The following URI1 variants were observed in gnomAD, a reference collection of about 807,000 sequenced individuals.
URI1 encodes URI1 prefoldin like chaperone.
Under a neutral mutation model 60.2 loss-of-function variants are expected in URI1, and 39 were observed. The ratio of observed to expected loss-of-function variants is 0.65; its 90% confidence interval spans 0.50 to 0.85. URI1 has a LOEUF of 0.85. Ranked by LOEUF, URI1 falls within the 40% of genes least tolerant of loss-of-function variation. The pLI, the probability that URI1 is intolerant of heterozygous loss-of-function variation, is 0.00. For synonymous variants in URI1, 251 were observed against 236.8 expected, an observed-to-expected ratio of 1.06 and a Z score of -0.55; for missense variants, 691 against 665.9, an observed-to-expected ratio of 1.04 and a Z score of -0.42.
At chr19:29,993,577 C>T (rs1203286634) in intron 4 of URI1, among the ~76,000 whole-genome samples, 4 of 151,534 alleles carry the variant, frequency 2.6e-5, no homozygotes, top group Non-Finnish European at 5.9e-5. Context: ...GGTGATAAGA[C>T]GTTAGCACCG....
At chr19:30,014,381 T>C (rs162945) in intron 10 of URI1, among the ~76,000 whole-genome samples, 1,671 of 152,290 alleles carry the variant, frequency 0.011, 41 homozygotes, top group African/African-American at 0.038. Flanking sequence ...TGCAGTAAAA[T>C]ATTTAAATAA....
intron 4 of URI1, among the ~76,000 whole-genome samples, chr19:29,998,884 A>T (rs1031093770): frequency 2.7e-5 from 4 of 150,768 alleles, no homozygotes; most frequent in Admixed American, 6.6e-5. Context: ...TTTTTGACTC[A>T]TTTCTATATT....
intron 10 of URI1, among the ~76,000 whole-genome samples, chr19:30,013,062 A>C (rs1243322116): frequency 2.6e-5 from 4 of 152,200 alleles, no homozygotes; most frequent in Non-Finnish European, 5.9e-5. Context: ...TGCACACTCA[A>C]TACACTTTCA....
In URI1 at chr19:30,005,624, T is replaced by C. The variant is rs984177490; in HGVS notation, c.460-27T>C. The C allele has an allele frequency of 1.9e-6, 3 of 1,604,516 alleles. No individual in the cohort carries two copies. The African/African-American group carries it at 4.0e-5, about 22-fold the overall frequency. ...GTATGCTGGAGATTTGTGTTGTTAA[T>C]ACGCTTTTTTTTTGTTTAAAAACCA... On this transcript the variant is annotated intron_variant, in intron 5 of 10. Coordinates refer to ENST00000392271, the MANE Select transcript of URI1 (RefSeq NM_003796.3).
At chr19:29,951,703 C>T (rs574797715) in intron 1 of URI1, among the ~76,000 whole-genome samples, 13 of 152,080 alleles carry the variant, frequency 8.5e-5, no homozygotes, top group African/African-American at 2.7e-4. Flanking sequence ...TCTGCCACCA[C>T]GCCCAGCTAC....
intron 1 of URI1, among the ~76,000 whole-genome samples, chr19:29,932,597 G>A (rs985341834): frequency 2.0e-5 from 3 of 150,410 alleles, no homozygotes; most frequent in Non-Finnish European, 4.4e-5. Flanking sequence ...GATTACAGGC[G>A]TGAGCCACCG....
At chr19:29,963,831 G>A (rs768640433) in intron 1 of URI1, among the ~76,000 whole-genome samples, 2 of 152,110 alleles carry the variant, frequency 1.3e-5, no homozygotes, top group Non-Finnish European at 2.9e-5. Flanking sequence ...TGCTGCTTCT[G>A]GTTTCTTCAG....
At chr19:29,939,597 A>G (rs1401251815), upstream of URI1, among the ~76,000 whole-genome samples, 1 of 152,196 alleles carries the variant, frequency 6.6e-6, no homozygotes, top group Non-Finnish European at 1.5e-5. Flanking sequence ...TGAAAGTGTG[A>G]TAAGTGCTAC....
intron 1 of URI1, among the ~76,000 whole-genome samples, chr19:29,964,411 T>TTAC (rs1038664900): frequency 6.6e-6 from 1 of 152,114 alleles, no homozygotes; most frequent in African/African-American, 2.4e-5. Context: ...TTTGAGATTT[T>TTAC]TACTACAGTC....
At chr19:29,933,545 G>A (rs1411503794) in intron 1 of URI1, among the ~76,000 whole-genome samples, 5 of 151,870 alleles carry the variant, frequency 3.3e-5, no homozygotes, top group Admixed American at 6.6e-5. Flanking sequence ...TTTTCACTGG[G>A]TGTGGTGGCT....
chr19:29,982,260 AT>A (rs1282470498), intron 2 of URI1, among the ~76,000 whole-genome samples: 1 of 152,234 alleles, frequency 6.6e-6, no homozygotes, highest in Non-Finnish European at 1.5e-5. Context: ...GCTCTCCAGT[AT>A]GTCCGCATTT....
At chr19:29,960,633 C>T (rs334999) in intron 1 of URI1, among the ~76,000 whole-genome samples, 145,699 of 152,208 alleles carry the variant, frequency 0.96, 69,754 homozygotes, top group East Asian at 1. Flanking sequence ...AAAAAATCTT[C>T]TTAACTTCAG....
At chr19:30,005,957 T>A (rs981788504) in intron 6 of URI1, among the ~76,000 whole-genome samples, 4 of 152,120 alleles carry the variant, frequency 2.6e-5, no homozygotes, top group Non-Finnish European at 5.9e-5. Context: ...CCCAAAGTTC[T>A]CCAGTGCTCC....
chr19:29,982,596 T>TTGA (rs2055612771), intron 2 of URI1, among the ~76,000 whole-genome samples: 1 of 152,214 alleles, frequency 6.6e-6, no homozygotes, highest in Non-Finnish European at 1.5e-5. Context: ...ATAGTGAGTG[T>TTGA]TGACTGTCTA....
At chr19:29,989,383 G>A (rs1229491472) in intron 4 of URI1, among the ~76,000 whole-genome samples, 5 of 148,798 alleles carry the variant, frequency 3.4e-5, no homozygotes, top group Non-Finnish European at 5.9e-5. Flanking sequence ...AAAGTGCTGC[G>A]ATTACAGGCG....
intron 1 of URI1, among the ~76,000 whole-genome samples, chr19:29,969,375 C>G (rs1029008267): frequency 6.6e-6 from 1 of 152,100 alleles, no homozygotes; most frequent in Non-Finnish European, 1.5e-5. Flanking sequence ...TGACTTGTTT[C>G]TTAAACATAA....
chr19:29,985,159 AAAAAAAAAAAAAAAAAAAGAAAAATC>A (rs2145370216), intron 2 of URI1, 38 bp from the exon 3 acceptor site: 1 of 144,220 alleles, frequency 6.9e-6, no homozygotes, highest in Non-Finnish European at 1.4e-5. Flanking sequence ...AAAAAAAAAA[AAAAAAAAAAAAAAAAAAAGAAAAATC>A]GTTAATAATG....
intron 2 of URI1, among the ~76,000 whole-genome samples, chr19:29,977,307 C>T (rs1393369171): frequency 1.3e-5 from 2 of 151,988 alleles, no homozygotes; most frequent in Non-Finnish European, 2.9e-5. Context: ...CAGTATATTT[C>T]ATATGAATAC....
At chr19:29,961,247 CTT>C (rs764946990) in intron 1 of URI1, among the ~76,000 whole-genome samples, 42 of 128,652 alleles carry the variant, frequency 3.3e-4, no homozygotes, top group Admixed American at 8.6e-4. Flanking sequence ...ATCTCCAGGC[CTT>C]TTTTTTTTTT....
Sources: allele counts gnomAD v4.1 joint callset (sites outside exome capture counted in the v4.1 genomes callset), GRCh38; gene constraint gnomAD v4.1.1; transcripts MANE v1.5; gene names NCBI Gene and HGNC (gene_info 2026-07-23, HGNC 2026-07-21).